REV3L: variants seen among roughly 807,000 people sequenced by gnomAD.
REV3L encodes the protein REV3 like, DNA directed polymerase zeta catalytic subunit.
In REV3L, 69 loss-of-function variants were observed where a neutral mutation model predicts 299.4. The ratio of observed to expected loss-of-function variants is 0.23; its 90% CI spans 0.19 to 0.28. The LOEUF is 0.28. REV3L is among the 10% of genes least tolerant of loss of function. The pLI is 1.00. For synonymous variants in REV3L, 1,238 were observed against 1,271.4 expected (o/e 0.97, Z 0.56); for missense variants, 3,128 against 3,693.8 (o/e 0.85, Z 3.97).
chr6:111,469,256 G>A (rs1238756632), intron 1 of REV3L, among the ~76,000 whole-genome samples: 4 of 152,094 alleles, frequency 2.6e-5, no homozygotes, highest in African/African-American at 9.7e-5. Context: ...ACCTTATTGT[G>A]CACTTAATGG....
chr6:111,441,629 A>G (rs1052317177), intron 1 of REV3L, among the ~76,000 whole-genome samples: 8 of 152,206 alleles, frequency 5.3e-5, no homozygotes, highest in Non-Finnish European at 8.8e-5. Context: ...TAAATTATCA[A>G]TCTGACAATT....
rs754654171 is a variant in REV3L at position 111,387,831 on chromosome 6, G to C, written c.1030C>G (p.Pro344Ala). Reference protein sequence around the residue: ...ELTLHSEVLSPEMLQCTPANM... With the variant: ...ELTLHSEVLSAEMLQCTPANM... Reference sequence around the variant, plus strand: ...GCTGGTGTACACTGAAGCATTTCAGGAGACAGAACCTCAGAGTGCAATGTT... The same window carrying C: ...GCTGGTGTACACTGAAGCATTTCAGCAGACAGAACCTCAGAGTGCAATGTT... The change falls in exon 9 of 32, where the codon CCT becomes GCT. Residue 344 changes from proline (P) to alanine (A), a missense_variant. This residue lies in a region of REV3L where 2,409 missense variants were observed against 2,611.8 expected (regional missense o/e 0.92). Transcript: ENST00000368802. The C allele has an allele frequency of 8.1e-6, 13 of 1,613,730 alleles. No homozygotes were observed. In the South Asian group the frequency reaches 1.4e-4, roughly 18 times the overall value.
intron 11 of REV3L, among the ~76,000 whole-genome samples, chr6:111,378,637 G>C (rs1780539225): frequency 6.6e-6 from 1 of 152,048 alleles, no homozygotes; most frequent in Non-Finnish European, 1.5e-5. Context: ...TGTCTCACAG[G>C]GCAATCTTTC....
intron 18 of REV3L, chr6:111,354,016 A>T (rs991206517): frequency 3.3e-5 from 5 of 152,182 alleles, no homozygotes; most frequent in Non-Finnish European, 5.9e-5. Flanking sequence ...GAACCCACAC[A>T]GTTGTCTGCT....
At chr6:111,334,912 G>A (rs544811503) in intron 22 of REV3L, among the ~76,000 whole-genome samples, 6 of 152,196 alleles carry the variant, frequency 3.9e-5, no homozygotes, top group South Asian at 4.1e-4. Flanking sequence ...GCCTACCACC[G>A]TGCTTAACAA....
At chr6:111,351,863 C>T in intron 18 of REV3L, 72 bp from the exon 19 acceptor site, 1 of 1,039,774 alleles carries the variant, frequency 9.6e-7, no homozygotes. Context: ...ATTGTTTCTT[C>T]ATGATATAAG....
rs755471057 is a variant in REV3L, at chr6:111,363,938, G to A, written c.6794C>T (p.Ser2265Phe). ...GTTTAAAGATGGTCCATCAATCTGA[G>A]AAGTTTCTTTCTGTGGGGTATTTAC... ...AAVNTPQKETSQIDGPSLNNT... is the reference protein window; with the variant it reads ...AAVNTPQKETFQIDGPSLNNT... The change falls in exon 16 of 32, where the codon TCT (serine) becomes TTT (phenylalanine). Residue 2265 changes from serine to phenylalanine, a missense_variant. By Grantham distance (155) the Ser-to-Phe change is radical. This residue lies in a region of REV3L where 2,409 missense variants were observed against 2,611.8 expected (regional missense o/e 0.92). Transcript: ENST00000368802. 27 of 1,613,094 alleles carry A rather than the reference G, an allele frequency of 1.7e-5. No individual in the cohort carries two copies. Among genetic ancestry groups the A allele is most frequent in the East Asian group, 2.2e-5 (1 of 44,746 alleles).
At chr6:111,413,063 G>C (rs1178876824) in intron 2 of REV3L, among the ~76,000 whole-genome samples, 1 of 152,080 alleles carries the variant, frequency 6.6e-6, no homozygotes, top group African/African-American at 2.4e-5. Flanking sequence ...TTCCCGTCTA[G>C]TTTGCTGCTG....
In REV3L at chr6:111,375,833, T is replaced by G; in HGVS notation, c.2522A>C (p.Gln841Pro). Residue 841 changes from glutamine (Q) to proline (P), a missense_variant, in exon 13 of 32, where the codon CAG becomes CCG. By Grantham distance (76) the Gln-to-Pro change is moderately conservative. This residue lies in a region of REV3L where 2,409 missense variants were observed against 2,611.8 expected (regional missense o/e 0.92). Transcript: ENST00000368802. ...KLNKRKLAGH[Q>P]ETSTKSSETG... is the part of the protein sequence containing the mutation. The stretch of plus-strand genomic sequence containing the variant: ...CTCACTACTTTTGGTAGAAGTCTCC[T>G]GATGACCTGCAAGTTTCCTTTTATT... 1.2e-6 allele frequency: 2 copies of G among 1,613,584 alleles called. No homozygotes were observed. The highest frequency in any genetic ancestry group is 1.7e-6 in the Non-Finnish European group (2 of 1,179,778).
Position 111,455,763 on chromosome 6 carries a change from A to T in REV3L, c.139+26987T>A, listed in dbSNP as rs151068920. On this transcript the variant is annotated intron_variant, in intron 1 of 31. Coordinates refer to ENST00000368802, the MANE Select transcript of REV3L (RefSeq NM_001372078.1). ...TTCAGTAAATATCTACCAAAGCCCC[A>T]TAATGTATTAAAAATTATTGACAAA... Among the ~76,000 whole-genome samples the T allele has an allele frequency of 3.9e-5, 6 of 152,360 alleles. No individual in the cohort carries two copies. The East Asian group carries it at 1.2e-3, about 29-fold the overall frequency.
At position 111,374,781 on chromosome 6, in the gene REV3L, T is replaced by A; in HGVS notation, c.3574A>T (p.Asn1192Tyr). 2 of 1,612,266 alleles carry A rather than the reference T, an allele frequency of 1.2e-6. No homozygotes were observed. The highest frequency in any genetic ancestry group is 8.5e-7 in the Non-Finnish European group (1 of 1,179,560). The stretch of plus-strand genomic sequence containing the variant: ...AGTTTATTTGTCTGATTTCGTTTGT[T>A]CCTTTTCTTAGTAACTATAGAGGGA... Reference protein sequence around the residue: ...ANPSIVTKKRNKRNQTNKLVD... With the variant: ...ANPSIVTKKRYKRNQTNKLVD... Residue 1192 changes from asparagine to tyrosine, a missense_variant, in exon 13 of 32, where the codon AAC becomes TAC. By Grantham distance (143) the Asn-to-Tyr change is moderately radical. Around this residue, in one of 9 missense-constraint regions of REV3L, gnomAD observed 2,409 missense variants for 2,611.8 expected, o/e 0.92. Coordinates refer to ENST00000368802, the MANE Select transcript of REV3L (RefSeq NM_001372078.1).
chr6:111,466,657 C>T lies in REV3L; in HGVS notation c.139+16093G>A, dbSNP rs1039061816. Among the ~76,000 whole-genome samples, 7 of 152,014 alleles carry T rather than the reference C, an allele frequency of 4.6e-5. No individual in the cohort carries two copies. In the East Asian group the frequency reaches 1.2e-3, roughly 25 times the overall value. On this transcript the variant is annotated intron_variant, in intron 1 of 31. Transcript: ENST00000368802. ...TTCAAGACCAGCCTGGCCAACATGG[C>T]GAAACCCCATCTCTATGAAACATAC...
chr6:111,452,190 T>C (rs1242242463), intron 1 of REV3L, among the ~76,000 whole-genome samples: 2 of 151,996 alleles, frequency 1.3e-5, no homozygotes, highest in African/African-American at 4.8e-5. Context: ...AGACAGAATT[T>C]TAAAAGACTA....
chr6:111,405,718 G>A (rs1783549475), intron 3 of REV3L, 88 bp from the exon 4 acceptor site: 3 of 732,540 alleles, frequency 4.1e-6, no homozygotes, highest in Non-Finnish European at 6.4e-6. Flanking sequence ...ACAGAACAAA[G>A]CACTTATTAG....
chr6:111,420,136 C>T (rs1399274271), intron 1 of REV3L, among the ~76,000 whole-genome samples: 5 of 152,126 alleles, frequency 3.3e-5, no homozygotes, highest in Non-Finnish European at 7.4e-5. Context: ...TGAGCCACCG[C>T]GCCCGGCCAT....
intron 1 of REV3L, among the ~76,000 whole-genome samples, chr6:111,447,940 T>C (rs1562326621): frequency 6.6e-6 from 1 of 152,208 alleles, no homozygotes; most frequent in Non-Finnish European, 1.5e-5. Context: ...TTAGAATTTA[T>C]AGGTTATTTC....
At chr6:111,406,255 G>A (rs907197800) in intron 3 of REV3L, among the ~76,000 whole-genome samples, 3 of 152,150 alleles carry the variant, frequency 2.0e-5, no homozygotes, top group Admixed American at 6.5e-5. Context: ...GAGTATTCAC[G>A]TAAATAAAAC....
At chr6:111,422,608 A>C (rs1396714259) in intron 1 of REV3L, among the ~76,000 whole-genome samples, 224 of 17,580 alleles carry the variant, frequency 0.013, 30 homozygotes, top group African/African-American at 0.04. Flanking sequence ...ATATATATAT[A>C]TATACACATA....
In REV3L at chr6:111,387,930, T is replaced by C; in HGVS notation, c.948-17A>G. ...GATAATGTTCTGCTTAATTAAAACA[T>C]ATCCTTTATAACAGACTACATAACA... On this transcript the variant is annotated splice_polypyrimidine_tract_variant and intron_variant, in intron 8 of 31. Coordinates refer to ENST00000368802, the MANE Select transcript of REV3L (RefSeq NM_001372078.1). 6.2e-7 allele frequency: 1 copy of C among 1,613,112 alleles called. No individual in the cohort carries two copies. The highest frequency in any genetic ancestry group is 8.5e-7 in the Non-Finnish European group (1 of 1,179,180).
Sources: allele counts gnomAD v4.1 joint callset (sites outside exome capture counted in the v4.1 genomes callset), GRCh38; gene constraint gnomAD v4.1.1; regional missense constraint gnomAD v4.1.1; transcripts MANE v1.5; gene names NCBI Gene and HGNC (gene_info 2026-07-23, HGNC 2026-07-21).